The following CTNS variants were observed in gnomAD, a reference collection of about 807,000 sequenced individuals.
CTNS encodes the protein cystinosin.
In CTNS, 27 loss-of-function variants were observed where a neutral mutation model predicts 43.7. The observed-to-expected ratio is 0.62, with a 90% confidence interval of 0.46 to 0.85. The LOEUF is 0.85. Ranked by LOEUF, CTNS falls within the 40% of genes least tolerant of loss-of-function variation. The pLI is 0.00. For missense variants in CTNS, 457 were observed against 475.4 expected (o/e 0.96, Z 0.36); for synonymous variants, 187 against 190.6 (o/e 0.98, Z 0.16).
Position 3,661,373 on chromosome 17 carries a change from C to G in CTNS, c.*1004C>G, listed in dbSNP as rs2076273839. 6.5e-6 allele frequency: 1 copy of G among 154,916 alleles called. No homozygotes were observed. The highest frequency in any genetic ancestry group is 2.0e-4 in the South Asian group (1 of 5,008). The allele number at this position is 154,916 out of a possible 1,614,324, so 9.6% of individuals were successfully genotyped here. A position where few individuals can be genotyped will look rare whatever the true frequency, so the allele number is the denominator to read the frequency against. On this transcript the variant is annotated 3_prime_UTR_variant, in exon 12 of 12. Transcript: ENST00000046640. ...ATCTGTATGGGCCCAACCCTGATCT[C>G]AAACCTCCTTCCCTCTGCCCAAAGC...
In CTNS at chr17:3,641,377, TA is replaced by T. The variant is rs2075695205; in HGVS notation, c.61+1111del. On this transcript the variant is annotated intron_variant, in intron 3 of 11. Coordinates refer to ENST00000046640, the MANE Select transcript of CTNS (RefSeq NM_004937.3). ...TCAGATACATATATATATATATATA[TA>T]TATATATTTTTTTTTTTTTTTTTTT... 3.1e-3 allele frequency among the ~76,000 whole-genome samples: 164 copies of T among 53,026 alleles called. 2 individuals carry two copies. Among genetic ancestry groups the T allele is most frequent in the African/African-American group, 0.012 (123 of 10,236 alleles). The allele number at this position is 53,026 out of a possible 152,430, so 34.8% of individuals were successfully genotyped here.
At position 3,642,734 on chromosome 17, in the gene CTNS, C is replaced by T. The variant is rs566026073; in HGVS notation, c.61+2467C>T. On this transcript the variant is annotated intron_variant, in intron 3 of 11. Transcript: ENST00000046640. ...AATGGAAGCCACCATAAAATCAAGT[C>T]ACTGGAATTGAATCTCCAACCTCAT... is the stretch of plus-strand genomic sequence containing the variant. Among the ~76,000 whole-genome samples the T allele has an allele frequency of 5.3e-5, 8 of 152,256 alleles. No homozygotes were observed. In the East Asian group the frequency reaches 1.5e-3, roughly 29 times the overall value.
intron 9 of CTNS, among the ~76,000 whole-genome samples, chr17:3,657,102 GGGA>G (rs2076168059): frequency 6.6e-6 from 1 of 152,118 alleles, no homozygotes. Flanking sequence ...GGGCACAGAA[GGGA>G]GGAGGGAGGA....
chr17:3,659,838 TGTCC>T lies in CTNS; in HGVS notation c.853-16_853-13del, dbSNP rs1276377709. ...CAGCCCTCACCGCCCTCCGTCTGTC[TGTCC>T]GTCTGTCTGGCCCAGGCCTACATGA... On this transcript the variant is annotated splice_polypyrimidine_tract_variant and intron_variant, in intron 10 of 11. Coordinates refer to ENST00000046640, the MANE Select transcript of CTNS (RefSeq NM_004937.3). 1.3e-6 allele frequency: 2 copies of T among 1,591,606 alleles called. No homozygotes were observed. The highest frequency in any genetic ancestry group is 1.7e-6 in the Non-Finnish European group (2 of 1,159,728).
intron 5 of CTNS, 23 bp downstream of exon 5, chr17:3,648,954 T>C: frequency 6.4e-7 from 1 of 1,564,880 alleles, no homozygotes; most frequent in Admixed American, 1.7e-5. Flanking sequence ...TCTTAACGGA[T>C]GGGTAGGGAA....
upstream of CTNS, chr17:3,636,553 T>C (rs944277850): frequency 1.7e-5 from 5 of 286,842 alleles, no homozygotes; most frequent in Non-Finnish European, 2.0e-5. Flanking sequence ...TCTGTGTCCC[T>C]GGCAGCGGAC....
At chr17:3,641,672 T>C (rs549795477) in intron 3 of CTNS, among the ~76,000 whole-genome samples, 42 of 152,102 alleles carry the variant, frequency 2.8e-4, no homozygotes, top group African/African-American at 9.6e-4. Context: ...ATTACAGGCA[T>C]GAGCCACCGT....
At position 3,656,839 on chromosome 17, in the gene CTNS, C is replaced by T. The variant is rs773945181; in HGVS notation, c.681+44C>T. The T allele has an allele frequency of 1.9e-6, 3 of 1,611,180 alleles. No homozygotes were observed. In the African/African-American group the frequency reaches 4.0e-5, roughly 22 times the overall value. On this transcript the variant is annotated intron_variant, in intron 9 of 11. Transcript: ENST00000046640. Reference sequence around the variant, plus strand: ...CCCCACAGGCCACCCCAGCCAACACCCGCCACCCCACCTCACCTTTGACAG... The same window carrying T: ...CCCCACAGGCCACCCCAGCCAACACTCGCCACCCCACCTCACCTTTGACAG...
At chr17:3,645,732 T>A (rs985259568) in intron 3 of CTNS, among the ~76,000 whole-genome samples, 4 of 151,830 alleles carry the variant, frequency 2.6e-5, no homozygotes, top group Admixed American at 2.0e-4. Flanking sequence ...TGGTGCTGCA[T>A]GCCTATAATT....
chr17:3,651,920 G>A (rs1231202191), intron 5 of CTNS, among the ~76,000 whole-genome samples: 1 of 146,390 alleles, frequency 6.8e-6, no homozygotes, highest in Non-Finnish European at 1.5e-5. Context: ...GTGGCAGTGA[G>A]CTGAGATCAC....
At chr17:3,637,012 C>G (rs2150881323) in intron 1 of CTNS, 95 bp from the exon 2 acceptor site, 1 of 152,358 alleles carries the variant, frequency 6.6e-6, no homozygotes, top group Non-Finnish European at 1.5e-5. Flanking sequence ...GGTGGTCAGC[C>G]GAGGCAGGGG....
intron 10 of CTNS, 46 bp downstream of exon 10, chr17:3,658,221 G>C: frequency 6.2e-7 from 1 of 1,608,138 alleles, no homozygotes; most frequent in Non-Finnish European, 8.5e-7. Flanking sequence ...GGAGAGGTGA[G>C]AGCTACATGG....
At chr17:3,654,965 TGG>T (rs1272137297) in intron 5 of CTNS, 31 bp from the exon 6 acceptor site, 1 of 1,497,892 alleles carries the variant, frequency 6.7e-7, no homozygotes, top group East Asian at 2.3e-5. Context: ...TAACTGTACG[TGG>T]CATCGGATTG....
In CTNS at chr17:3,660,378, G is replaced by A. The variant is rs1288637018; in HGVS notation, c.*9G>A. 6.2e-6 allele frequency: 10 copies of A among 1,614,012 alleles called. No homozygotes were observed. Among genetic ancestry groups the A allele is most frequent in the Admixed American group, 5.0e-5 (3 of 60,000 alleles). On this transcript the variant is annotated 3_prime_UTR_variant, in exon 12 of 12. Transcript: ENST00000046640. ...ATGACCAGCTGAACTAGCACCCAGG[G>A]ACCCAGTGTACCCAGCCTCTGGCCT...
chr17:3,641,927 C>T (rs956198174), intron 3 of CTNS, among the ~76,000 whole-genome samples: 11 of 152,122 alleles, frequency 7.2e-5, no homozygotes, highest in African/African-American at 2.4e-4. Context: ...CCTGGTGTTT[C>T]TTAATACAGA....
intron 3 of CTNS, among the ~76,000 whole-genome samples, chr17:3,642,041 C>CTGTGTGTGTGTATGTG (rs2075724023): frequency 7.0e-6 from 1 of 143,788 alleles, no homozygotes; most frequent in East Asian, 2.0e-4. Flanking sequence ...TTGCCTGGGC[C>CTGTGTGTGTGTATGTG]TGTGTGTGTG....
At chr17:3,649,668 C>T (rs929169217) in intron 5 of CTNS, among the ~76,000 whole-genome samples, 19 of 152,090 alleles carry the variant, frequency 1.2e-4, no homozygotes, top group Non-Finnish European at 2.2e-4. Flanking sequence ...GGTTGGGTGT[C>T]GTTTCCAAAA....
chr17:3,650,226 C>T, intron 5 of CTNS: 1 of 1,550,526 alleles, frequency 6.4e-7, no homozygotes, highest in Non-Finnish European at 8.7e-7. Context: ...AGCCATGAGG[C>T]ACATCAAGAT....
intron 3 of CTNS, among the ~76,000 whole-genome samples, chr17:3,645,483 G>A (rs2075821473): frequency 6.6e-6 from 1 of 152,150 alleles, no homozygotes; most frequent in Non-Finnish European, 1.5e-5. Flanking sequence ...GATCTCCTTA[G>A]AGGAGACGAG....
Sources: allele counts gnomAD v4.1 joint callset (sites outside exome capture counted in the v4.1 genomes callset), GRCh38; gene constraint gnomAD v4.1.1; transcripts MANE v1.5; gene names NCBI Gene and HGNC (gene_info 2026-07-23, HGNC 2026-07-21).